Variants in VWF observed in about 807,000 individuals in gnomAD.
VWF encodes the protein von Willebrand factor, also known as Factor VIII related antigen.
VWF carries 176 observed loss-of-function variants against 308.6 expected under a neutral mutation model. The observed-to-expected ratio is 0.57, with a 90% CI of 0.50 to 0.65. The LOEUF is 0.65. VWF is among the 30% of genes least tolerant of loss of function. The pLI, the probability that VWF is intolerant of heterozygous loss-of-function variation, is 0.00. For synonymous variants in VWF, 1,385 were observed against 1,443.4 expected, an observed-to-expected ratio of 0.96 and a Z score of 0.92; for missense variants, 3,146 against 3,648.2, an observed-to-expected ratio of 0.86 and a Z score of 3.55.
chr12:6,103,392 GTATACACGTGTGTGTA>G (rs1254071514), intron 5 of VWF, among the ~76,000 whole-genome samples: 1 of 119,812 alleles, frequency 8.3e-6, no homozygotes, highest in Non-Finnish European at 1.6e-5. Context: ...ACACGTGTGT[GTATACACGTGTGTGTA>G]TACACACGTG....
At position 6,009,005 on chromosome 12, in the gene VWF, A is replaced by G. The variant is rs577350882; in HGVS notation, c.5842+2612T>C. Among the ~76,000 whole-genome samples, 227 of 152,230 alleles carry G rather than the reference A, an allele frequency of 1.5e-3. 1 individual carries two copies. Among genetic ancestry groups the G allele is most frequent in the Non-Finnish European group, 1.7e-3 (113 of 67,992 alleles). ...AAAACTCCTAAAAGAAAACACAAGA[A>G]CTTTGCAACATTGGTCTTGGCGACG... is the stretch of plus-strand genomic sequence containing the variant. On this transcript the variant is annotated intron_variant, in intron 34 of 51. Transcript: ENST00000261405.
intron 42 of VWF, among the ~76,000 whole-genome samples, chr12:5,979,965 C>T (rs1169455791): frequency 1.5e-4 from 22 of 145,810 alleles, no homozygotes; most frequent in East Asian, 1.2e-3. Context: ...GGTGTGAACC[C>T]GGGAGGTGGA....
At chr12:6,118,980 G>A (rs1368934849) in intron 3 of VWF, among the ~76,000 whole-genome samples, 1 of 152,174 alleles carries the variant, frequency 6.6e-6, no homozygotes, top group East Asian at 1.9e-4. Context: ...CATGCCCTGG[G>A]GCGCCTCTGG....
intron 6 of VWF, among the ~76,000 whole-genome samples, chr12:6,092,618 A>AGTGAGTGTGT: frequency 1.5e-5 from 1 of 66,218 alleles, no homozygotes; most frequent in East Asian, 4.7e-4. Flanking sequence ...AGTGAGTGAG[A>AGTGAGTGTGT]GTGTGTGTGT....
chr12:5,955,143 G>C (rs1486473172), intron 47 of VWF, among the ~76,000 whole-genome samples: 1 of 152,016 alleles, frequency 6.6e-6, no homozygotes, highest in Non-Finnish European at 1.5e-5. Flanking sequence ...AGAAAAATTT[G>C]ATCTATACCA....
Position 6,046,973 on chromosome 12 carries a change from T to C in VWF, c.2187-156A>G, listed in dbSNP as rs184023187. 5.3e-5 allele frequency among the ~76,000 whole-genome samples: 8 copies of C among 152,292 alleles called. No individual in the cohort carries two copies. The highest frequency in any genetic ancestry group is 5.2e-4 in the Admixed American group (8 of 15,302). On this transcript the variant is annotated intron_variant, in intron 16 of 51. Coordinates refer to ENST00000261405, the MANE Select transcript of VWF (RefSeq NM_000552.5). The surrounding 1 kb of genome is among the most constrained non-coding windows in gnomAD (Gnocchi z 5.0). ...GCTTGCTAACGTTACCAATGGATGA[T>C]CCCCACGTCACTAAATCCCATGGGA...
At chr12:5,956,884 G>A (rs534813768) in intron 47 of VWF, among the ~76,000 whole-genome samples, 77 of 151,932 alleles carry the variant, frequency 5.1e-4, no homozygotes, top group African/African-American at 1.7e-3. Context: ...TAAATTTAGG[G>A]TAGCCTAAGT....
intron 34 of VWF, 105 bp from the exon 35 acceptor site, chr12:5,996,327 A>G: frequency 9.7e-7 from 1 of 1,031,752 alleles, no homozygotes; most frequent in Non-Finnish European, 1.5e-6. Context: ...TAAATACAGT[A>G]GAGAATGGAA....
At chr12:5,969,168 A>G in intron 45 of VWF, 43 bp downstream of exon 45, 1 of 1,581,992 alleles carries the variant, frequency 6.3e-7, no homozygotes, top group South Asian at 1.1e-5. Flanking sequence ...AGAGGCTTAA[A>G]GGTGGTGCCC....
At chr12:6,090,938 G>A (rs903190373) in intron 6 of VWF, among the ~76,000 whole-genome samples, 9 of 152,152 alleles carry the variant, frequency 5.9e-5, no homozygotes, top group African/African-American at 2.2e-4. Flanking sequence ...GCAAAGAAGA[G>A]GAAACTCCTC....
chr12:5,960,988 C>G (rs1034515473), intron 47 of VWF, among the ~76,000 whole-genome samples: 7 of 152,180 alleles, frequency 4.6e-5, no homozygotes, highest in South Asian at 2.1e-4. Flanking sequence ...CTGAGCTCTG[C>G]CTCCTGTCAG....
At chr12:6,089,097 C>A (rs1391838681) in intron 6 of VWF, among the ~76,000 whole-genome samples, 4 of 152,194 alleles carry the variant, frequency 2.6e-5, no homozygotes, top group Admixed American at 6.5e-5. Flanking sequence ...GCCCTTGGAG[C>A]CACAACAGCA....
At chr12:5,984,363 G>T (rs1789044811) in intron 40 of VWF, among the ~76,000 whole-genome samples, 1 of 152,150 alleles carries the variant, frequency 6.6e-6, no homozygotes, top group African/African-American at 2.4e-5. Flanking sequence ...ATTTATTTCT[G>T]ATCAATTTCA....
In VWF at chr12:6,051,292, T is replaced by TC. The variant is rs1400903479; in HGVS notation, c.2186+1250_2186+1251insG. Among the ~76,000 whole-genome samples, 94 of 34,026 alleles carry TC rather than the reference T, an allele frequency of 2.8e-3. 1 individual carries two copies. Among genetic ancestry groups the TC allele is most frequent in the African/African-American group, 6.0e-3 (91 of 15,130 alleles). 22.3% of individuals were successfully genotyped at this position (34,026 alleles called of 152,430 possible). On this transcript the variant is annotated intron_variant, in intron 16 of 51. Coordinates refer to ENST00000261405, the MANE Select transcript of VWF (RefSeq NM_000552.5). ...AATCAGGACTTCTTTTTTTCTTTTT[T>TC]TTTTTTTTTTTTTTTTTGAGATAGA...
In VWF at chr12:6,019,621, G is replaced by A. The variant is rs61749370; in HGVS notation, c.3797C>T (p.Pro1266Leu). 1,077 of 1,612,852 alleles carry A rather than the reference G, an allele frequency of 6.7e-4. 2 individuals carry two copies. Among genetic ancestry groups the A allele is most frequent in the Admixed American group, 1.0e-3 (62 of 60,002 alleles). The change falls in exon 28 of 52, where the codon CCG (proline) becomes CTG (leucine). Residue 1266 changes from proline (P) to leucine (L), a missense_variant. Physicochemically the swap from Pro to Leu is moderately conservative, Grantham distance 98. Coordinates refer to ENST00000261405, the MANE Select transcript of VWF (RefSeq NM_000552.5). The surrounding 1 kb of genome is among the most constrained non-coding windows in gnomAD (Gnocchi z 5.8). ...TLYVEDISEPPLHDFYCSRLL... is the reference protein window; with the variant it reads ...TLYVEDISEPLLHDFYCSRLL... ...CCTGCTGCAGTAGAAATCGTGCAAC[G>A]GCGGTTCCGAGATGTCCTCCACATA...
At position 5,970,509 on chromosome 12, in the gene VWF, T is replaced by C. The variant is rs145601354; in HGVS notation, c.7548+1090A>G. Among the ~76,000 whole-genome samples the C allele has an allele frequency of 1.7e-3, 259 of 152,206 alleles. 1 individual carries two copies. Among genetic ancestry groups the C allele is most frequent in the African/African-American group, 5.9e-3 (246 of 41,538 alleles). On this transcript the variant is annotated intron_variant, in intron 44 of 51. Transcript: ENST00000261405. ...GCAGCCCCTGATCTGAGCTGGACCT[T>C]GACCCTGGGGAGAAGAAACAAAACC...
chr12:6,018,423 C>T lies in VWF; in HGVS notation c.4995G>A (p.Val1665=). 6.2e-7 allele frequency: 1 copy of T among 1,612,850 alleles called. No individual in the cohort carries two copies. Among genetic ancestry groups the T allele is most frequent in the South Asian group, 1.1e-5 (1 of 91,012 alleles). ...ETLPREAPDL[V]LQRCCSGEGL... ...CCTCTCCGGAGCAGCACCTCTGCAG[C>T]ACCAGGTCAGGAGCCTCTCGGGGGA... The change falls in exon 28 of 52, where the codon GTG becomes GTA. Residue 1665 remains valine, a synonymous_variant. Coordinates refer to ENST00000261405, the MANE Select transcript of VWF (RefSeq NM_000552.5).
intron 34 of VWF, among the ~76,000 whole-genome samples, chr12:5,998,817 TC>T (rs761378682): frequency 2.0e-5 from 3 of 152,024 alleles, no homozygotes; most frequent in Non-Finnish European, 4.4e-5. Flanking sequence ...AACCTCCGCC[TC>T]CCCGGGTTCA....
chr12:5,980,278 A>T, intron 42 of VWF, among the ~76,000 whole-genome samples: 1 of 145,708 alleles, frequency 6.9e-6, no homozygotes, highest in East Asian at 2.1e-4. Context: ...GGAGGAGGAC[A>T]GCTGGACATT....
Sources: allele counts gnomAD v4.1 joint callset (sites outside exome capture counted in the v4.1 genomes callset), GRCh38; gene constraint gnomAD v4.1.1; non-coding constraint Gnocchi (gnomAD v3.1); transcripts MANE v1.5; gene names NCBI Gene and HGNC (gene_info 2026-07-23, HGNC 2026-07-21).